The following XKR6 variants were observed in gnomAD, a reference collection of about 807,000 sequenced individuals.
XKR6 encodes the protein XK-related protein 6.
Under a neutral mutation model 56.7 loss-of-function variants are expected in XKR6, and 22 were observed. That is an observed-to-expected ratio of 0.39 (90% CI 0.28 to 0.55). The LOEUF (loss-of-function observed/expected upper bound fraction) is 0.55. Among genes scored for constraint, XKR6 ranks in the 20% least tolerant of loss-of-function variants. The probability of loss-of-function intolerance (pLI) is 0.66; values close to 1 mark genes in which losing one functional copy is unlikely to be tolerated. For missense variants in XKR6, 852 were observed against 889.0 expected (o/e 0.96, Z 0.53); for synonymous variants, 524 against 387.8 (o/e 1.35, Z -4.13).
chr8:10,978,418 A>G (rs10088240), intron 1 of XKR6, among the ~76,000 whole-genome samples: 2,077 of 152,350 alleles, frequency 0.014, 49 homozygotes, highest in African/African-American at 0.047. Flanking sequence ...ATCCTGTGAA[A>G]TGCACTCCAT....
chr8:10,959,318 G>A (rs996871729), intron 1 of XKR6, among the ~76,000 whole-genome samples: 5 of 152,152 alleles, frequency 3.3e-5, no homozygotes, highest in African/African-American at 1.2e-4. Flanking sequence ...CCCACAGGTG[G>A]TCACAGAGAC....
intron 1 of XKR6, among the ~76,000 whole-genome samples, chr8:11,158,156 G>A (rs1380606051): frequency 6.6e-6 from 1 of 152,176 alleles, no homozygotes; most frequent in Non-Finnish European, 1.5e-5. Flanking sequence ...AGTGAGGAGT[G>A]GGGAAAGGCA....
chr8:11,107,459 T>G (rs60921132), intron 1 of XKR6, among the ~76,000 whole-genome samples: 1 of 151,980 alleles, frequency 6.6e-6, no homozygotes, highest in Non-Finnish European at 1.5e-5. Flanking sequence ...TGCTAGGATT[T>G]TAGGCGTGAG....
chr8:11,013,033 C>T (rs4401811), intron 1 of XKR6, among the ~76,000 whole-genome samples: 10,801 of 152,078 alleles, frequency 0.071, 1,277 homozygotes, highest in African/African-American at 0.24. Flanking sequence ...GAAGATGAAA[C>T]GAGGCCCAGG....
chr8:11,123,717 C>A (rs1195402409), intron 1 of XKR6: 5 of 379,450 alleles, frequency 1.3e-5, no homozygotes, highest in Non-Finnish European at 1.6e-5. Flanking sequence ...GGCTGAATCT[C>A]CTGAAGAAAT....
chr8:11,118,029 G>A (rs1267908598), intron 1 of XKR6, among the ~76,000 whole-genome samples: 1 of 152,074 alleles, frequency 6.6e-6, no homozygotes, highest in Non-Finnish European at 1.5e-5. Flanking sequence ...ACTTTTTGAA[G>A]AATAATGACG....
chr8:11,020,437 G>T (rs1188687561), intron 1 of XKR6, among the ~76,000 whole-genome samples: 1 of 152,190 alleles, frequency 6.6e-6, no homozygotes, highest in African/African-American at 2.4e-5. Flanking sequence ...CCTGTGCTAA[G>T]TTCCTTGTGA....
At chr8:11,031,524 G>A (rs548568932) in intron 1 of XKR6, among the ~76,000 whole-genome samples, 130 of 152,372 alleles carry the variant, frequency 8.5e-4, no homozygotes, top group African/African-American at 3.0e-3. Context: ...GACAGGCCAT[G>A]AGAATAGAAC....
chr8:11,025,193 A>T (rs1798833424), intron 1 of XKR6, among the ~76,000 whole-genome samples: 1 of 152,198 alleles, frequency 6.6e-6, no homozygotes, highest in Non-Finnish European at 1.5e-5. Context: ...CTCTTCTCCC[A>T]AACACACACC....
At chr8:10,994,756 C>G (rs1180914875) in intron 1 of XKR6, among the ~76,000 whole-genome samples, 1 of 152,224 alleles carries the variant, frequency 6.6e-6, no homozygotes, top group African/African-American at 2.4e-5. Context: ...TAACTCGGGA[C>G]TTTAGCAATT....
intron 1 of XKR6, among the ~76,000 whole-genome samples, chr8:11,114,473 T>A (rs1799062610): frequency 6.6e-6 from 1 of 152,184 alleles, no homozygotes; most frequent in African/African-American, 2.4e-5. Context: ...GCGATTCTCC[T>A]GCCTCAGCCT....
chr8:10,920,726 C>A (rs1286315923), intron 2 of XKR6, among the ~76,000 whole-genome samples: 1 of 152,270 alleles, frequency 6.6e-6, no homozygotes, highest in Non-Finnish European at 1.5e-5. Flanking sequence ...TTACAGGCAG[C>A]CCGTGCTCAG....
intron 1 of XKR6, chr8:11,108,161 G>C: frequency 2.6e-6 from 1 of 389,650 alleles, no homozygotes; most frequent in Non-Finnish European, 5.0e-6. Flanking sequence ...CAGATAATCG[G>C]GTGCATCTGT....
intron 1 of XKR6, among the ~76,000 whole-genome samples, chr8:10,957,446 C>A (rs1439107745): frequency 6.6e-6 from 1 of 152,146 alleles, no homozygotes; most frequent in Non-Finnish European, 1.5e-5. Flanking sequence ...GCTCAGGGAG[C>A]CTCTTGTGGC....
At chr8:10,972,658 G>A (rs76657585) in intron 1 of XKR6, among the ~76,000 whole-genome samples, 10,677 of 152,290 alleles carry the variant, frequency 0.07, 482 homozygotes, top group Middle Eastern at 0.11. Flanking sequence ...CTATTCAGAG[G>A]AGTCACATTC....
At chr8:11,122,790 C>T (rs193289478) in intron 1 of XKR6, among the ~76,000 whole-genome samples, 3 of 152,300 alleles carry the variant, frequency 2.0e-5, no homozygotes, top group African/African-American at 4.8e-5. Context: ...TTGACTCATA[C>T]TATTTAATCT....
chr8:11,144,319 A>C (rs1800869298), intron 1 of XKR6, among the ~76,000 whole-genome samples: 1 of 150,554 alleles, frequency 6.6e-6, no homozygotes, highest in South Asian at 2.1e-4. Context: ...ATAAAGGAAG[A>C]AGCGGGTATA....
intron 1 of XKR6, among the ~76,000 whole-genome samples, chr8:10,969,512 G>A (rs944325586): frequency 7.2e-5 from 11 of 152,216 alleles, no homozygotes; most frequent in African/African-American, 1.9e-4. Context: ...ATGTAGGTAC[G>A]TGTCCTATGC....
At chr8:10,977,681 G>A (rs187941870) in intron 1 of XKR6, among the ~76,000 whole-genome samples, 4 of 149,872 alleles carry the variant, frequency 2.7e-5, no homozygotes, top group Admixed American at 6.7e-5. Flanking sequence ...GGTCTATCAC[G>A]GAGGTGGGTT....
Sources: allele counts gnomAD v4.1 joint callset (sites outside exome capture counted in the v4.1 genomes callset), GRCh38; gene constraint gnomAD v4.1.1; transcripts MANE v1.5; gene names NCBI Gene and HGNC (gene_info 2026-07-23, HGNC 2026-07-21).